TLL1: variants seen among roughly 807,000 people sequenced by gnomAD.
The protein encoded by TLL1 is tolloid like 1.
A neutral mutation model predicts 128.2 loss-of-function variants in TLL1; 49 were observed. The observed-to-expected ratio is 0.38, with a 90% CI of 0.30 to 0.48. The LOEUF is 0.48. Among genes scored for constraint, TLL1 ranks in the 20% least tolerant of loss-of-function variants. The pLI, the probability that TLL1 is intolerant of heterozygous loss-of-function variation, is 0.96. For synonymous variants in TLL1, 454 were observed against 418.8 expected (o/e 1.08, Z -1.03); for missense variants, 1,123 against 1,242.0 (o/e 0.90, Z 1.44).
chr4:165,986,313 C>T (rs930051104), intron 1 of TLL1, among the ~76,000 whole-genome samples: 2 of 151,672 alleles, frequency 1.3e-5, no homozygotes, highest in African/African-American at 4.8e-5. Context: ...TTTTAGTACA[C>T]AGAAATAGGA....
At chr4:166,003,331 T>C in intron 5 of TLL1, 60 bp from the exon 6 acceptor site, 4 of 1,574,406 alleles carry the variant, frequency 2.5e-6, no homozygotes, top group Non-Finnish European at 3.5e-6. Context: ...AAATTCACCA[T>C]ATTGTCAGTT....
At chr4:165,879,784 C>T (rs1024569229) in intron 1 of TLL1, among the ~76,000 whole-genome samples, 2 of 152,028 alleles carry the variant, frequency 1.3e-5, no homozygotes, top group East Asian at 1.9e-4. Flanking sequence ...GTCAGAACTC[C>T]GCCCTGCAGC....
At chr4:166,080,703 G>A (rs950038525) in intron 18 of TLL1, among the ~76,000 whole-genome samples, 3 of 152,066 alleles carry the variant, frequency 2.0e-5, no homozygotes, top group African/African-American at 4.8e-5. Flanking sequence ...ATGAAGGAGG[G>A]TGTTAGGTGG....
chr4:166,032,304 A>G (rs536874743), intron 9 of TLL1, among the ~76,000 whole-genome samples: 1 of 152,298 alleles, frequency 6.6e-6, no homozygotes, highest in Non-Finnish European at 1.5e-5. Flanking sequence ...AGTAATTCCA[A>G]ATTAAATTCC....
At chr4:166,042,185 T>G (rs1421958869) in intron 11 of TLL1, 42 bp downstream of exon 11, 1 of 1,261,284 alleles carries the variant, frequency 7.9e-7, no homozygotes, top group South Asian at 1.2e-5. Context: ...ATCTTATATC[T>G]CAACAGAAAT....
chr4:166,056,619 G>A lies in TLL1; in HGVS notation c.1721-565G>A, dbSNP rs184823084. Among the ~76,000 whole-genome samples, 45 of 152,118 alleles carry A rather than the reference G, an allele frequency of 3.0e-4. No homozygotes were observed. In the East Asian group the frequency reaches 3.7e-3, roughly 12 times the overall value. ...ATATTTCTTTAAAAGAATTTTTGCT[G>A]ATATATCTATTAAGCTATAATGTAA... On this transcript the variant is annotated intron_variant, in intron 13 of 20. Transcript: ENST00000061240.
At position 165,994,366 on chromosome 4, in the gene TLL1, T is replaced by C; in HGVS notation, c.362-15T>C. On this transcript the variant is annotated splice_polypyrimidine_tract_variant and intron_variant, in intron 3 of 20. Coordinates refer to ENST00000061240, the MANE Select transcript of TLL1 (RefSeq NM_012464.5). ...AGAACTTCTGTTTCACAGAATGTTT[T>C]AAATGTCACTGCAGGCTTGGAGCAA... 6.2e-7 allele frequency: 1 copy of C among 1,613,928 alleles called. No homozygotes were observed. The highest frequency in any genetic ancestry group is 8.5e-7 in the Non-Finnish European group (1 of 1,179,878).
intron 3 of TLL1, among the ~76,000 whole-genome samples, chr4:165,993,631 T>C (rs1736738675): frequency 6.6e-6 from 1 of 152,040 alleles, no homozygotes; most frequent in Non-Finnish European, 1.5e-5. Flanking sequence ...TGGCAGGATA[T>C]TCATATTGAC....
chr4:166,081,741 A>ATT (rs200031279), intron 18 of TLL1, among the ~76,000 whole-genome samples: 1,819 of 146,328 alleles, frequency 0.012, 46 homozygotes, highest in African/African-American at 0.042. Context: ...CAAAGTTGTT[A>ATT]TTTTTTTTTT....
At chr4:166,055,963 T>C (rs1280762733) in intron 13 of TLL1, among the ~76,000 whole-genome samples, 3 of 152,096 alleles carry the variant, frequency 2.0e-5, no homozygotes, top group Non-Finnish European at 4.4e-5. Context: ...ATTGATTTTA[T>C]AGGATAAATG....
chr4:166,092,063 A>G (rs1337185010), intron 19 of TLL1, among the ~76,000 whole-genome samples: 1 of 151,992 alleles, frequency 6.6e-6, no homozygotes, highest in East Asian at 1.9e-4. Flanking sequence ...AGTTAAATGT[A>G]TATTAGCTAG....
Position 166,042,140 on chromosome 4 carries a change from G to T in TLL1, c.1375G>T (p.Glu459Ter). 1 of 1,602,138 alleles carries T rather than the reference G, an allele frequency of 6.2e-7. No homozygotes were observed. The highest frequency in any genetic ancestry group is 8.5e-7 in the Non-Finnish European group (1 of 1,169,690). Residue 459 changes from glutamate (E) to a stop codon, truncating the protein, a stop_gained, in exon 11 of 21, where the codon GAA becomes TAA. Transcript: ENST00000061240. LOFTEE classifies it high-confidence loss of function. ...AGGAAAAGGCTTTGCAGCTGTCTAT[G>T]AAGGTAAGTCACATTGAATTTTAGA... ...WVGKGFAAVY[E>*]AICGGEIRKN... is the part of the protein sequence containing the mutation.
chr4:165,945,066 G>A (rs535417768), intron 1 of TLL1, among the ~76,000 whole-genome samples: 1 of 152,250 alleles, frequency 6.6e-6, no homozygotes, highest in East Asian at 1.9e-4. Context: ...GAGAAATTCA[G>A]ACATTTAGGA....
At chr4:165,970,050 T>C (rs986136425) in intron 1 of TLL1, among the ~76,000 whole-genome samples, 2 of 152,180 alleles carry the variant, frequency 1.3e-5, no homozygotes, top group Non-Finnish European at 2.9e-5. Flanking sequence ...GGATGCTAAA[T>C]AAGTCTCATT....
rs578119609 is a variant in TLL1, at chr4:166,059,314, G to A, written c.1847-714G>A. 2.6e-5 allele frequency among the ~76,000 whole-genome samples: 4 copies of A among 152,148 alleles called. No individual in the cohort carries two copies. In the East Asian group the frequency reaches 7.7e-4, roughly 29 times the overall value. On this transcript the variant is annotated intron_variant, in intron 14 of 20. Coordinates refer to ENST00000061240, the MANE Select transcript of TLL1 (RefSeq NM_012464.5). ...TAATTATGAACTGTGTACAATGTAT[G>A]TTCTTTTTACTCAGCTTGCTTTTGG...
chr4:165,895,285 T>C (rs960180564), intron 1 of TLL1, among the ~76,000 whole-genome samples: 10 of 152,160 alleles, frequency 6.6e-5, no homozygotes, highest in Non-Finnish European at 1.3e-4. Flanking sequence ...TCTTATAAAC[T>C]GCTATGTGAG....
At position 165,954,283 on chromosome 4, in the gene TLL1, C is replaced by A. The variant is rs142204434; in HGVS notation, c.170-35098C>A. ...TTGTCTGAAATACCCAGAACACATA[C>A]ACGCTTGAGAGGAGTGGAAGGGATA... On this transcript the variant is annotated intron_variant, in intron 1 of 20. Transcript: ENST00000061240. Among the ~76,000 whole-genome samples, 612 of 152,190 alleles carry A rather than the reference C, an allele frequency of 4.0e-3. 4 individuals are homozygous for A. Among genetic ancestry groups the A allele is most frequent in the African/African-American group, 0.013 (555 of 41,550 alleles).
chr4:165,991,926 T>C (rs1736654905), intron 2 of TLL1, among the ~76,000 whole-genome samples: 1 of 151,874 alleles, frequency 6.6e-6, no homozygotes, highest in Non-Finnish European at 1.5e-5. Context: ...ATTTGTCTAA[T>C]AAAAATTCAA....
chr4:166,083,644 A>G (rs1341132173), intron 18 of TLL1, among the ~76,000 whole-genome samples: 1 of 122,610 alleles, frequency 8.2e-6, no homozygotes. Context: ...TGTAGTATTT[A>G]TCTTTCTGTG....
Sources: allele counts gnomAD v4.1 joint callset (sites outside exome capture counted in the v4.1 genomes callset), GRCh38; gene constraint gnomAD v4.1.1; transcripts MANE v1.5; gene names NCBI Gene and HGNC (gene_info 2026-07-23, HGNC 2026-07-21).